The following PLCB4 variants were observed in gnomAD, a reference collection of about 807,000 sequenced individuals.
PLCB4 encodes 1-phosphatidylinositol 4,5-bisphosphate phosphodiesterase beta-4.
A neutral mutation model predicts 178.8 loss-of-function variants in PLCB4; 77 were observed. The observed-to-expected ratio is 0.43, with a 90% CI of 0.36 to 0.52. The LOEUF (loss-of-function observed/expected upper bound fraction) is 0.52. Among genes scored for constraint, PLCB4 ranks in the 20% least tolerant of loss-of-function variants. PLCB4 has a pLI of 0.00. For missense variants in PLCB4, 1,024 were observed against 1,453.4 expected (o/e 0.70, Z 4.80); for synonymous variants, 496 against 490.8 (o/e 1.01, Z -0.14).
At chr20:9,204,470 C>T (rs932261835) in intron 2 of PLCB4, among the ~76,000 whole-genome samples, 1 of 152,084 alleles carries the variant, frequency 6.6e-6, no homozygotes, top group Admixed American at 6.6e-5. Context: ...AGTGATTCTC[C>T]TGTCTCAACC....
chr20:9,169,168 T>C (rs1488044794), intron 2 of PLCB4, among the ~76,000 whole-genome samples: 3 of 152,180 alleles, frequency 2.0e-5, no homozygotes, highest in Admixed American at 1.3e-4. Flanking sequence ...AATTTAAATA[T>C]AGAAACTTTA....
Position 9,150,170 on chromosome 20 carries a change from A to C in PLCB4, c.-79+53828A>C, listed in dbSNP as rs543711494. On this transcript the variant is annotated intron_variant, in intron 2 of 39. Transcript: ENST00000378473. ...ATCCAGGTGTGTAATGTGAAAGATA[A>C]ATACAGTGATTAAACCATAAGAAAT... 2.6e-5 allele frequency among the ~76,000 whole-genome samples: 4 copies of C among 152,316 alleles called. No homozygotes were observed. In the South Asian group the frequency reaches 8.3e-4, roughly 32 times the overall value.
At chr20:9,185,504 C>T (rs770726783) in intron 2 of PLCB4, among the ~76,000 whole-genome samples, 15 of 152,104 alleles carry the variant, frequency 9.9e-5, no homozygotes, top group Non-Finnish European at 1.8e-4. Flanking sequence ...TCTCTTTCAC[C>T]TGGATGACTG....
intron 1 of PLCB4, among the ~76,000 whole-genome samples, chr20:9,091,926 G>A (rs2090701125): frequency 6.6e-6 from 1 of 151,782 alleles, no homozygotes; most frequent in Admixed American, 6.6e-5. Context: ...GTCAATACTT[G>A]TTACTGGCTT....
At chr20:9,223,737 A>G (rs2093828746) in intron 3 of PLCB4, among the ~76,000 whole-genome samples, 1 of 152,248 alleles carries the variant, frequency 6.6e-6, no homozygotes, top group Non-Finnish European at 1.5e-5. Flanking sequence ...ATGCATGGTC[A>G]CGTCTATCAC....
chr20:9,373,095 T>C lies in PLCB4; in HGVS notation c.735T>C (p.Phe245=). 1 of 1,515,808 alleles carries C rather than the reference T, an allele frequency of 6.6e-7. No individual in the cohort carries two copies. Among genetic ancestry groups the C allele is most frequent in the Non-Finnish European group, 9.2e-7 (1 of 1,092,748 alleles). The allele number at this position is 1,515,808 out of a possible 1,614,324, so 93.9% of individuals were successfully genotyped here. Residue 245 remains phenylalanine, a synonymous_variant, in exon 12 of 40, where the codon TTT becomes TTC. Transcript: ENST00000378473. ...TAACGGTAGACCAATTAGTGAGCTT[T>C]CTAAATGAAGTAAGCTTTTTCATAC... ...DYLTVDQLVS[F]LNEHQRDPRL...
intron 30 of PLCB4, among the ~76,000 whole-genome samples, chr20:9,443,535 G>A (rs1254439666): frequency 6.6e-6 from 1 of 152,152 alleles, no homozygotes; most frequent in Admixed American, 6.5e-5. Context: ...GTAGCACTCA[G>A]CTGATTGATC....
At chr20:9,140,945 A>G (rs1190863314) in intron 2 of PLCB4, among the ~76,000 whole-genome samples, 1 of 152,040 alleles carries the variant, frequency 6.6e-6, no homozygotes, top group Non-Finnish European at 1.5e-5. Context: ...AGAAGTTAAG[A>G]CTAGCCTCGT....
intron 21 of PLCB4, among the ~76,000 whole-genome samples, chr20:9,407,571 A>C (rs1301860824): frequency 6.6e-6 from 1 of 152,100 alleles, no homozygotes; most frequent in Non-Finnish European, 1.5e-5. Context: ...GGGTTTTGCC[A>C]TGTTCGCCAA....
At chr20:9,353,733 G>A (rs1038432496) in intron 7 of PLCB4, among the ~76,000 whole-genome samples, 6 of 152,182 alleles carry the variant, frequency 3.9e-5, no homozygotes, top group South Asian at 2.1e-4. Flanking sequence ...CTTTGGGAAC[G>A]CTGGCCCTTA....
At chr20:9,278,578 TG>T (rs2094469013) in intron 3 of PLCB4, among the ~76,000 whole-genome samples, 1 of 152,092 alleles carries the variant, frequency 6.6e-6, no homozygotes, top group Non-Finnish European at 1.5e-5. Flanking sequence ...TGACAACTCA[TG>T]GCATGCTTTA....
intron 2 of PLCB4, among the ~76,000 whole-genome samples, chr20:9,107,112 G>C (rs1193661046): frequency 6.6e-6 from 1 of 152,050 alleles, no homozygotes; most frequent in Non-Finnish European, 1.5e-5. Context: ...CTGTCCCTTC[G>C]ATTAGTTGTG....
chr20:9,296,401 A>G (rs549110692), intron 3 of PLCB4, among the ~76,000 whole-genome samples: 4 of 152,306 alleles, frequency 2.6e-5, no homozygotes, highest in African/African-American at 9.6e-5. Context: ...ACACTTTTAC[A>G]CTGTTGTGGG....
chr20:9,459,935 G>T, intron 35 of PLCB4, 125 bp downstream of exon 35: 1 of 642,794 alleles, frequency 1.6e-6, no homozygotes, highest in South Asian at 2.0e-5. Context: ...GCTCTTTTGT[G>T]TATCTCATCA....
intron 7 of PLCB4, among the ~76,000 whole-genome samples, chr20:9,351,554 T>C (rs2034344227): frequency 6.6e-6 from 1 of 152,206 alleles, no homozygotes; most frequent in Admixed American, 6.5e-5. Context: ...GTTTTTCCAC[T>C]TCCACTTGTC....
intron 4 of PLCB4, among the ~76,000 whole-genome samples, chr20:9,333,314 C>T (rs1165887013): frequency 6.6e-6 from 1 of 151,968 alleles, no homozygotes; most frequent in African/African-American, 2.4e-5. Flanking sequence ...AATCAAGGAT[C>T]AGGGAGAGCC....
chr20:9,398,692 T>G lies in PLCB4; in HGVS notation c.1511-2798T>G, dbSNP rs566049454. Among the ~76,000 whole-genome samples the G allele has an allele frequency of 6.4e-3, 429 of 66,954 alleles. 1 individual carries two copies. Among genetic ancestry groups the G allele is most frequent in the Admixed American group, 0.01 (76 of 7,490 alleles). 43.9% of individuals were successfully genotyped at this position (66,954 alleles called of 152,430 possible). ...TGTATACAGCCTGATGAAATGGGTA[T>G]TATTATTATTATTATTATTATTTTT... On this transcript the variant is annotated intron_variant, in intron 19 of 39. Transcript: ENST00000378473.
intron 4 of PLCB4, among the ~76,000 whole-genome samples, chr20:9,312,453 A>G (rs968473151): frequency 2.0e-5 from 3 of 151,802 alleles, no homozygotes; most frequent in South Asian, 4.2e-4. Context: ...TGCAGGTGTC[A>G]GGATCAAAGG....
At chr20:9,448,095 T>C (rs1220440778) in intron 32 of PLCB4, among the ~76,000 whole-genome samples, 2 of 152,216 alleles carry the variant, frequency 1.3e-5, no homozygotes, top group African/African-American at 2.4e-5. Context: ...TGCTAAATTT[T>C]GAGGACTGTT....
Sources: gnomAD v4.1 joint callset for allele counts (sites outside exome capture counted in the v4.1 genomes callset) on GRCh38, gnomAD v4.1.1 for gene constraint, MANE v1.5 for transcripts, NCBI Gene and HGNC (gene_info 2026-07-23, HGNC 2026-07-21) for gene names.